The following ENOX1 variants were observed in gnomAD, a reference collection of about 807,000 sequenced individuals.
ENOX1 encodes candidate growth-related and time keeping constitutive hydroquinone (NADH) oxidase.
ENOX1 carries 42 observed loss-of-function variants against 82.5 expected under a neutral mutation model. That is an observed-to-expected ratio of 0.51 (90% CI 0.40 to 0.66). ENOX1 has a LOEUF of 0.66. ENOX1 is among the 30% of genes least tolerant of loss of function. ENOX1 has a pLI of 0.00. For missense variants in ENOX1, 608 were observed against 811.6 expected, an observed-to-expected ratio of 0.75 and a Z score of 3.05; for synonymous variants, 271 against 282.2, an observed-to-expected ratio of 0.96 and a Z score of 0.40.
chr13:43,548,264 C>T (rs2079049690), intron 2 of ENOX1, among the ~76,000 whole-genome samples: 3 of 152,106 alleles, frequency 2.0e-5, no homozygotes, highest in Admixed American at 2.0e-4. Context: ...AAACAACTAA[C>T]ATCCCTCTCC....
intron 14 of ENOX1, among the ~76,000 whole-genome samples, chr13:43,237,481 T>G (rs2042605563): frequency 6.6e-6 from 1 of 152,190 alleles, no homozygotes; most frequent in Non-Finnish European, 1.5e-5. Flanking sequence ...GACCTGCATA[T>G]ATGGGATAGT....
chr13:43,698,184 T>A (rs2086733421), intron 1 of ENOX1, among the ~76,000 whole-genome samples: 1 of 152,144 alleles, frequency 6.6e-6, no homozygotes, highest in South Asian at 2.1e-4. Flanking sequence ...CACCTAAAAT[T>A]TTACTTTACC....
At chr13:43,625,004 C>T (rs2082903514) in intron 2 of ENOX1, among the ~76,000 whole-genome samples, 1 of 152,046 alleles carries the variant, frequency 6.6e-6, no homozygotes, top group Admixed American at 6.5e-5. Flanking sequence ...ACTCCATAAA[C>T]ATGGTATGTC....
At chr13:43,589,211 T>A in intron 2 of ENOX1, among the ~76,000 whole-genome samples, 2 of 70,482 alleles carry the variant, frequency 2.8e-5, no homozygotes, top group Admixed American at 2.2e-4. Flanking sequence ...CTTTGGACAT[T>A]AATGGAAAAA....
At chr13:43,354,699 G>T (rs1376379948) in intron 8 of ENOX1, among the ~76,000 whole-genome samples, 2 of 152,114 alleles carry the variant, frequency 1.3e-5, no homozygotes, top group African/African-American at 4.8e-5. Context: ...CCCAAATCCA[G>T]CAATAGCCTT....
intron 12 of ENOX1, among the ~76,000 whole-genome samples, chr13:43,297,350 T>TA (rs944629031): frequency 4.6e-5 from 7 of 151,990 alleles, no homozygotes; most frequent in African/African-American, 1.2e-4. Flanking sequence ...ATGGGGGAAT[T>TA]AAAAAAAATT....
At chr13:43,669,888 T>C (rs2085172278) in intron 1 of ENOX1, among the ~76,000 whole-genome samples, 1 of 152,186 alleles carries the variant, frequency 6.6e-6, no homozygotes, top group Non-Finnish European at 1.5e-5. Flanking sequence ...TCTGGAGTAC[T>C]TGGCTGTTGT....
intron 2 of ENOX1, among the ~76,000 whole-genome samples, chr13:43,501,693 T>C (rs1197443700): frequency 6.7e-6 from 1 of 149,102 alleles, no homozygotes; most frequent in Non-Finnish European, 1.5e-5. Flanking sequence ...ATTTAAAAAG[T>C]ATGTTGAGAA....
chr13:43,539,585 G>C (rs1158745302), intron 2 of ENOX1, among the ~76,000 whole-genome samples: 2 of 151,996 alleles, frequency 1.3e-5, no homozygotes, highest in Non-Finnish European at 2.9e-5. Context: ...AATAATTTTA[G>C]ATTTGCTTTT....
At chr13:43,446,868 C>T (rs1028699804) in intron 3 of ENOX1, among the ~76,000 whole-genome samples, 1 of 152,228 alleles carries the variant, frequency 6.6e-6, no homozygotes, top group Non-Finnish European at 1.5e-5. Flanking sequence ...GAATGATAGT[C>T]TCTGGTCAGT....
chr13:43,470,251 T>TATATATAC (rs1218459806), intron 3 of ENOX1, among the ~76,000 whole-genome samples: 2 of 44,096 alleles, frequency 4.5e-5, no homozygotes, highest in East Asian at 1.1e-3. Flanking sequence ...TATATATACA[T>TATATATAC]ATATATATAC....
At chr13:43,268,322 A>G (rs2044497673) in intron 13 of ENOX1, among the ~76,000 whole-genome samples, 1 of 152,170 alleles carries the variant, frequency 6.6e-6, no homozygotes, top group Non-Finnish European at 1.5e-5. Context: ...GGTCTCCTCA[A>G]CTGCAGGTCA....
intron 3 of ENOX1, among the ~76,000 whole-genome samples, chr13:43,425,038 TGA>T (rs2055207279): frequency 6.6e-6 from 1 of 152,112 alleles, no homozygotes; most frequent in Non-Finnish European, 1.5e-5. Context: ...GAAAAAGGCC[TGA>T]GTGTCCAAAA....
chr13:43,315,359 G>A (rs552471609), intron 11 of ENOX1, among the ~76,000 whole-genome samples: 12 of 152,224 alleles, frequency 7.9e-5, no homozygotes, highest in Non-Finnish European at 1.5e-4. Flanking sequence ...ATTCATCGAT[G>A]TTGTAAAGGG....
intron 2 of ENOX1, among the ~76,000 whole-genome samples, chr13:43,635,775 A>C (rs1400946764): frequency 2.0e-5 from 3 of 152,198 alleles, no homozygotes; most frequent in Non-Finnish European, 4.4e-5. Context: ...GGAGAGAGAG[A>C]GAGCGAGCGA....
At chr13:43,679,988 C>T (rs943470371) in intron 1 of ENOX1, among the ~76,000 whole-genome samples, 1 of 152,132 alleles carries the variant, frequency 6.6e-6, no homozygotes, top group Non-Finnish European at 1.5e-5. Context: ...AATGAAAAAC[C>T]TAACATATCT....
At chr13:43,233,517 C>CT (rs879385315) in intron 15 of ENOX1, among the ~76,000 whole-genome samples, 3 of 152,170 alleles carry the variant, frequency 2.0e-5, no homozygotes, top group Non-Finnish European at 2.9e-5. Flanking sequence ...AGAATACACC[C>CT]TTTTGCCCAG....
At chr13:43,239,567 G>A (rs2042715397) in intron 14 of ENOX1, among the ~76,000 whole-genome samples, 2 of 152,180 alleles carry the variant, frequency 1.3e-5, no homozygotes, top group Non-Finnish European at 2.9e-5. Context: ...ATAGTCTATA[G>A]CATAGCATTG....
intron 2 of ENOX1, among the ~76,000 whole-genome samples, chr13:43,651,703 A>AAAAAAAAAAAAAAAAAAAAAAAAAAAC (rs1171843195): frequency 6.9e-6 from 1 of 145,858 alleles, no homozygotes; most frequent in African/African-American, 2.5e-5. Flanking sequence ...TCTAAAAAAA[A>AAAAAAAAAAAAAAAAAAAAAAAAAAAC]AAATCACACC....
Sources: gnomAD v4.1 joint callset for allele counts (sites outside exome capture counted in the v4.1 genomes callset) on GRCh38, gnomAD v4.1.1 for gene constraint, MANE v1.5 for transcripts, NCBI Gene and HGNC (gene_info 2026-07-23, HGNC 2026-07-21) for gene names.